The following ADGRV1 variants were observed in gnomAD, a reference collection of about 807,000 sequenced individuals.
The protein encoded by ADGRV1 is G-protein coupled receptor 98.
Under a neutral mutation model 596.2 loss-of-function variants are expected in ADGRV1, and 359 were observed. The observed-to-expected ratio is 0.60, with a 90% CI of 0.55 to 0.66. ADGRV1 has a LOEUF of 0.66. Ranked by LOEUF, ADGRV1 falls within the 30% of genes least tolerant of loss-of-function variation. The pLI, the probability that ADGRV1 is intolerant of heterozygous loss-of-function variation, is 0.00. For synonymous variants in ADGRV1, 2,681 were observed against 2,679.2 expected, an observed-to-expected ratio of 1.00 and a Z score of -0.02; for missense variants, 7,274 against 7,575.6, an observed-to-expected ratio of 0.96 and a Z score of 1.48.
At chr5:90,953,438 G>A (rs559634860) in intron 83 of ADGRV1, among the ~76,000 whole-genome samples, 10 of 152,080 alleles carry the variant, frequency 6.6e-5, no homozygotes, top group Non-Finnish European at 2.9e-5. Context: ...TTCCCACAGC[G>A]TTCAATATTT....
intron 85 of ADGRV1, among the ~76,000 whole-genome samples, chr5:91,004,490 G>T (rs1782109669): frequency 6.6e-6 from 1 of 151,956 alleles, no homozygotes; most frequent in South Asian, 2.1e-4. Context: ...GAACGCTTAG[G>T]GAAAGAAAGT....
At chr5:91,075,684 T>C (rs755201979) in intron 86 of ADGRV1, among the ~76,000 whole-genome samples, 1 of 152,222 alleles carries the variant, frequency 6.6e-6, no homozygotes, top group Non-Finnish European at 1.5e-5. Context: ...AGTTTTCTGA[T>C]TGGTATCTCT....
Position 90,848,289 on chromosome 5 carries a change from A to T in ADGRV1, c.17020-348A>T, listed in dbSNP as rs568225726. ...CTTATTTGTTGGTCAAAAGAATAAGAATCCCTAGGGTAGATGTAAAAGTGA... is the reference window on the plus strand; with the variant it reads ...CTTATTTGTTGGTCAAAAGAATAAGTATCCCTAGGGTAGATGTAAAAGTGA... On this transcript the variant is annotated intron_variant, in intron 78 of 89. Transcript: ENST00000405460. 2.5e-3 allele frequency among the ~76,000 whole-genome samples: 381 copies of T among 152,300 alleles called. No individual in the cohort carries two copies. The Middle Eastern group carries it at 0.027, about 11-fold the overall frequency.
intron 70 of ADGRV1, among the ~76,000 whole-genome samples, chr5:90,795,023 G>T (rs542315643): frequency 6.6e-6 from 1 of 151,994 alleles, no homozygotes; most frequent in Admixed American, 6.5e-5. Flanking sequence ...ACACCACCAG[G>T]GCCCTGGGTT....
At chr5:90,662,920 G>A (rs1770619759) in intron 21 of ADGRV1, among the ~76,000 whole-genome samples, 1 of 151,356 alleles carries the variant, frequency 6.6e-6, no homozygotes, top group Non-Finnish European at 1.5e-5. Context: ...TTTCATCCAT[G>A]TCCCTACAAA....
At chr5:91,133,204 CAT>C (rs1376689439) in intron 87 of ADGRV1, among the ~76,000 whole-genome samples, 2 of 152,188 alleles carry the variant, frequency 1.3e-5, no homozygotes, top group Non-Finnish European at 2.9e-5. Flanking sequence ...TTTCAACTAA[CAT>C]ATTAGCAATG....
chr5:91,046,442 G>A (rs571756447), intron 85 of ADGRV1, among the ~76,000 whole-genome samples: 2 of 152,096 alleles, frequency 1.3e-5, no homozygotes, highest in African/African-American at 2.4e-5. Context: ...AATGGTGCTG[G>A]GATAATTGGC....
intron 85 of ADGRV1, among the ~76,000 whole-genome samples, chr5:91,049,388 C>T (rs991037531): frequency 2.6e-5 from 4 of 152,130 alleles, no homozygotes; most frequent in Non-Finnish European, 5.9e-5. Flanking sequence ...ATAGTTAAGT[C>T]TAGGCTCAGT....
At chr5:91,016,924 G>A (rs1002046336) in intron 85 of ADGRV1, among the ~76,000 whole-genome samples, 2 of 151,872 alleles carry the variant, frequency 1.3e-5, no homozygotes, top group Admixed American at 6.6e-5. Flanking sequence ...AAACAGAGAA[G>A]AGAACTTTAA....
intron 1 of ADGRV1, among the ~76,000 whole-genome samples, chr5:90,595,117 A>ACC (rs1410861038): frequency 8.9e-6 from 1 of 112,170 alleles, no homozygotes; most frequent in East Asian, 2.4e-4. Context: ...CGGGGGGCTG[A>ACC]CCCCCCCACC....
At chr5:91,049,682 AT>A (rs1786141475) in intron 85 of ADGRV1, among the ~76,000 whole-genome samples, 2 of 152,188 alleles carry the variant, frequency 1.3e-5, no homozygotes, top group African/African-American at 4.8e-5. Context: ...AATGAAATGA[AT>A]TTTCATAAGA....
At chr5:90,994,548 A>G (rs1312395411) in intron 85 of ADGRV1, among the ~76,000 whole-genome samples, 5 of 152,218 alleles carry the variant, frequency 3.3e-5, no homozygotes, top group Non-Finnish European at 7.3e-5. Flanking sequence ...TAAATCTAAC[A>G]TCTGGGTTGC....
At chr5:90,657,876 G>T (rs761757159) in intron 20 of ADGRV1, 29 bp from the exon 21 acceptor site, 2 of 1,574,390 alleles carry the variant, frequency 1.3e-6, no homozygotes, top group Non-Finnish European at 1.7e-6. Context: ...TGAAGGTATT[G>T]TAGCATTTAA....
At chr5:90,873,734 G>A (rs573547298) in intron 83 of ADGRV1, among the ~76,000 whole-genome samples, 1 of 151,872 alleles carries the variant, frequency 6.6e-6, no homozygotes, top group South Asian at 2.1e-4. Flanking sequence ...GTTGGAGGCT[G>A]CAGTGAGCTG....
At chr5:91,039,414 T>G (rs1286640322) in intron 85 of ADGRV1, among the ~76,000 whole-genome samples, 2 of 152,228 alleles carry the variant, frequency 1.3e-5, no homozygotes, top group Non-Finnish European at 2.9e-5. Context: ...AGTGTCTTGC[T>G]TCCTGACCAT....
At chr5:90,647,215 G>A (rs113816872) in intron 16 of ADGRV1, among the ~76,000 whole-genome samples, 1 of 152,116 alleles carries the variant, frequency 6.6e-6, no homozygotes, top group Non-Finnish European at 1.5e-5. Flanking sequence ...TTAGAAATGA[G>A]GTTTATGAAA....
chr5:90,608,385 A>G (rs939400472), intron 1 of ADGRV1, among the ~76,000 whole-genome samples: 4 of 152,128 alleles, frequency 2.6e-5, no homozygotes, highest in Admixed American at 6.6e-5. Context: ...CTGAAGTTTC[A>G]GAACACTTTA....
intron 87 of ADGRV1, among the ~76,000 whole-genome samples, chr5:91,144,176 C>T (rs996202909): frequency 1.2e-4 from 19 of 152,312 alleles, no homozygotes; most frequent in African/African-American, 4.3e-4. Flanking sequence ...CAGCCCCCCA[C>T]CAGCTCTATG....
intron 59 of ADGRV1, among the ~76,000 whole-genome samples, chr5:90,771,921 T>C (rs1200974753): frequency 6.6e-6 from 1 of 152,174 alleles, no homozygotes; most frequent in Non-Finnish European, 1.5e-5. Context: ...TATTCCCCTA[T>C]GAAACTTCCC....
Sources: gnomAD v4.1 joint callset for allele counts (sites outside exome capture counted in the v4.1 genomes callset) on GRCh38, gnomAD v4.1.1 for gene constraint, MANE v1.5 for transcripts, NCBI Gene and HGNC (gene_info 2026-07-23, HGNC 2026-07-21) for gene names.